Variants in ZNF567 observed in about 807,000 individuals in gnomAD.
The protein encoded by ZNF567 is zinc finger protein 567.
ZNF567 carries 36 observed loss-of-function variants against 53.9 expected under a neutral mutation model. The observed-to-expected ratio is 0.67, with a 90% confidence interval of 0.51 to 0.88. ZNF567 has a LOEUF of 0.88. Among genes scored for constraint, ZNF567 ranks in the 40% least tolerant of loss-of-function variants. The pLI is 0.00. For synonymous variants in ZNF567, 224 were observed against 260.4 expected (o/e 0.86, Z 1.35); for missense variants, 619 against 764.7 (o/e 0.81, Z 2.25).
the ZNF567 span, among the ~76,000 whole-genome samples, chr19:36,676,202 A>G: frequency 6.0e-5 from 9 of 150,456 alleles, no homozygotes; most frequent in African/African-American, 2.2e-4. Context: ...AGTAGCTGGG[A>G]TTACAGGCAC....
intron 3 of ZNF567, among the ~76,000 whole-genome samples, chr19:36,702,380 G>A (rs1225339738): frequency 5.9e-5 from 9 of 151,430 alleles, no homozygotes; most frequent in African/African-American, 9.7e-5. Context: ...TTTCAACTTC[G>A]GTGAATCTGA....
upstream of ZNF567, among the ~76,000 whole-genome samples, chr19:36,683,962 C>A (rs2038224900): frequency 6.6e-6 from 1 of 152,132 alleles, no homozygotes; most frequent in Admixed American, 6.6e-5. Context: ...GATGTGTAAA[C>A]AGGTTTTAAC....
chr19:36,696,421 C>A (rs1366631784), intron 3 of ZNF567, among the ~76,000 whole-genome samples: 2 of 152,132 alleles, frequency 1.3e-5, no homozygotes, highest in African/African-American at 4.8e-5. Context: ...ATATATCCAG[C>A]CTCCAGCTAG....
the ZNF567 span, among the ~76,000 whole-genome samples, chr19:36,667,371 GCA>G: frequency 1.3e-5 from 2 of 151,730 alleles, no homozygotes; most frequent in South Asian, 4.2e-4. Flanking sequence ...GCGTGATGGC[GCA>G]TGCCTGTAAT....
intron 5 of ZNF567, among the ~76,000 whole-genome samples, chr19:36,714,087 C>T (rs990259247): frequency 6.6e-6 from 1 of 152,166 alleles, no homozygotes; most frequent in Admixed American, 6.6e-5. Flanking sequence ...CTTTTTCCAG[C>T]CTTCTCAGTC....
At chr19:36,695,848 G>A (rs1464537350) in intron 3 of ZNF567, among the ~76,000 whole-genome samples, 4 of 151,234 alleles carry the variant, frequency 2.6e-5, no homozygotes, top group Non-Finnish European at 4.4e-5. Flanking sequence ...AAATATATAA[G>A]GCTTTATTGC....
chr19:36,691,545 T>C (rs1306141349), intron 2 of ZNF567, among the ~76,000 whole-genome samples: 2 of 152,224 alleles, frequency 1.3e-5, no homozygotes, highest in African/African-American at 4.8e-5. Context: ...TATCCTTTCA[T>C]TATTTTAATA....
chr19:36,710,874 A>C (rs1264628172), intron 3 of ZNF567, among the ~76,000 whole-genome samples: 1 of 152,142 alleles, frequency 6.6e-6, no homozygotes, highest in African/African-American at 2.4e-5. Context: ...TTAGAATCTT[A>C]TTAGGTGCAC....
At chr19:36,721,947 G>A (rs541045242), downstream of ZNF567, among the ~76,000 whole-genome samples, 1 of 152,038 alleles carries the variant, frequency 6.6e-6, no homozygotes, top group East Asian at 1.9e-4. Context: ...GTTTCACCAC[G>A]TTGGTCAGAC....
chr19:36,670,826 G>A, the ZNF567 span, among the ~76,000 whole-genome samples: 1 of 152,156 alleles, frequency 6.6e-6, no homozygotes, highest in Non-Finnish European at 1.5e-5. Flanking sequence ...ACTGGGCCGG[G>A]CGTGGTGGCT....
At chr19:36,682,024 A>T in the ZNF567 span, among the ~76,000 whole-genome samples, 1 of 152,120 alleles carries the variant, frequency 6.6e-6, no homozygotes, top group Admixed American at 6.5e-5. Flanking sequence ...TTGTCATCCC[A>T]GCACTTTCAG....
downstream of ZNF567, among the ~76,000 whole-genome samples, chr19:36,724,331 A>C (rs533678927): frequency 6.6e-6 from 1 of 151,544 alleles, no homozygotes; most frequent in Non-Finnish European, 1.5e-5. Flanking sequence ...AACAATCATC[A>C]TTCTGTTTTC....
At chr19:36,700,811 C>G (rs1323737237) in intron 3 of ZNF567, among the ~76,000 whole-genome samples, 5 of 152,122 alleles carry the variant, frequency 3.3e-5, no homozygotes, top group Non-Finnish European at 5.9e-5. Context: ...ATTCTTTTCT[C>G]TTTTTTTCTT....
rs1308735030 is a variant in ZNF567, at chr19:36,720,611, G to A, written c.1887G>A (p.Lys629=). 1.3e-6 allele frequency: 2 copies of A among 1,590,424 alleles called. No homozygotes were observed. The highest frequency in any genetic ancestry group is 2.7e-5 in the African/African-American group (2 of 73,850). ...AGTGTGGTAAGTCTTTCAGTTATAAGAGAAACCTCATTGTCCATCAAAGAA... is the reference window on the plus strand; with the variant it reads ...AGTGTGGTAAGTCTTTCAGTTATAAAAGAAACCTCATTGTCCATCAAAGAA... ...CNECGKSFSY[K]RNLIVHQRTH... is the part of the protein sequence containing the mutation. Residue 629 remains lysine, a synonymous_variant, in exon 6 of 6, where the codon AAG becomes AAA. Transcript: ENST00000682579.
chr19:36,689,160 A>C (rs2038448787), intron 1 of ZNF567, among the ~76,000 whole-genome samples: 1 of 152,024 alleles, frequency 6.6e-6, no homozygotes, highest in South Asian at 2.1e-4. Flanking sequence ...ATATGCTTAA[A>C]TGAATAGAAT....
chr19:36,677,484 A>AG, the ZNF567 span, among the ~76,000 whole-genome samples: 18 of 135,968 alleles, frequency 1.3e-4, no homozygotes, highest in East Asian at 1.1e-3. Context: ...AAAAAAAAAA[A>AG]GGCCAGGCAT....
At chr19:36,691,011 G>T (rs914302685) in intron 2 of ZNF567, among the ~76,000 whole-genome samples, 1 of 152,156 alleles carries the variant, frequency 6.6e-6, no homozygotes, top group Admixed American at 6.5e-5. Flanking sequence ...AGAAATAATT[G>T]AATTCCAAAT....
At chr19:36,702,149 G>A (rs1277712492) in intron 3 of ZNF567, among the ~76,000 whole-genome samples, 3 of 152,026 alleles carry the variant, frequency 2.0e-5, no homozygotes, top group African/African-American at 7.2e-5. Flanking sequence ...GCATTTGCTT[G>A]TCTGTAAAGT....
intron 2 of ZNF567, among the ~76,000 whole-genome samples, chr19:36,692,061 C>G (rs1361011465): frequency 6.6e-6 from 1 of 152,234 alleles, no homozygotes; most frequent in Non-Finnish European, 1.5e-5. Context: ...TCCATTGATG[C>G]ACACTTGGGT....
Sources: gnomAD v4.1 joint callset for allele counts (sites outside exome capture counted in the v4.1 genomes callset) on GRCh38, gnomAD v4.1.1 for gene constraint, MANE v1.5 for transcripts, NCBI Gene and HGNC (gene_info 2026-07-23, HGNC 2026-07-21) for gene names.